SLIT1: variants seen among roughly 807,000 people sequenced by gnomAD.
SLIT1 encodes slit homolog 1 protein.
In SLIT1, 66 loss-of-function variants were observed where a neutral mutation model predicts 186.1. The observed-to-expected ratio is 0.35, with a 90% CI of 0.29 to 0.44. SLIT1 has a LOEUF of 0.44. Ranked by LOEUF, SLIT1 falls within the 20% of genes least tolerant of loss-of-function variation. The pLI, the probability that SLIT1 is intolerant of heterozygous loss-of-function variation, is 1.00. For synonymous variants in SLIT1, 761 were observed against 833.8 expected, an observed-to-expected ratio of 0.91 and a Z score of 1.50; for missense variants, 1,638 against 2,037.4, an observed-to-expected ratio of 0.80 and a Z score of 3.77.
intron 1 of SLIT1, among the ~76,000 whole-genome samples, chr10:97,172,020 T>C (rs2134737948): frequency 2.0e-5 from 3 of 151,722 alleles, no homozygotes; most frequent in Admixed American, 2.0e-4. Flanking sequence ...CTCTCCTCTG[T>C]AGCATAAATC....
chr10:97,035,856 A>G (rs1848633888), intron 22 of SLIT1, among the ~76,000 whole-genome samples: 1 of 152,078 alleles, frequency 6.6e-6, no homozygotes, highest in South Asian at 2.1e-4. Context: ...CTGTGGCCCC[A>G]GACAGCTTAT....
chr10:97,023,452 T>C (rs1423290986), intron 25 of SLIT1, among the ~76,000 whole-genome samples: 1 of 152,118 alleles, frequency 6.6e-6, no homozygotes, highest in East Asian at 1.9e-4. Flanking sequence ...AATATGCTAA[T>C]AGCCCGCCCC....
At chr10:97,046,218 G>A (rs1323431197) in intron 18 of SLIT1, among the ~76,000 whole-genome samples, 1 of 152,166 alleles carries the variant, frequency 6.6e-6, no homozygotes. Flanking sequence ...CTCAGGCTGG[G>A]CTGTGGGTTA....
chr10:97,025,608 T>G (rs530245314), intron 25 of SLIT1, among the ~76,000 whole-genome samples: 2 of 152,034 alleles, frequency 1.3e-5, no homozygotes, highest in African/African-American at 2.4e-5. Flanking sequence ...CTGAGATGTA[T>G]TTGGTGGTCA....
intron 31 of SLIT1, among the ~76,000 whole-genome samples, chr10:97,007,088 G>A (rs897539417): frequency 5.9e-5 from 9 of 152,014 alleles, no homozygotes; most frequent in African/African-American, 2.2e-4. Flanking sequence ...GCATAAAGAG[G>A]GAAGAGTCAA....
chr10:97,033,050 C>CTTTT (rs71007311), intron 23 of SLIT1, among the ~76,000 whole-genome samples: 1 of 139,782 alleles, frequency 7.2e-6, no homozygotes, highest in Non-Finnish European at 1.6e-5. Flanking sequence ...TTCTTTCTTT[C>CTTTT]TTTTTTTTTT....
intron 4 of SLIT1, among the ~76,000 whole-genome samples, chr10:97,147,822 G>A (rs564733840): frequency 8.9e-4 from 136 of 152,252 alleles, no homozygotes; most frequent in African/African-American, 3.2e-3. Context: ...CTCTAGAACT[G>A]TGGGGCCCCT....
intron 13 of SLIT1, among the ~76,000 whole-genome samples, chr10:97,052,071 T>C (rs1405421077): frequency 1.3e-5 from 2 of 151,272 alleles, no homozygotes; most frequent in African/African-American, 4.8e-5. Flanking sequence ...TCACAAAAGA[T>C]GGCATATTGT....
chr10:97,167,721 T>C (rs1225320023), intron 1 of SLIT1, among the ~76,000 whole-genome samples: 2 of 152,228 alleles, frequency 1.3e-5, no homozygotes, highest in African/African-American at 4.8e-5. Flanking sequence ...AATCCCCATG[T>C]GTCATGGGAG....
At chr10:97,177,309 C>T (rs902849783) in intron 1 of SLIT1, among the ~76,000 whole-genome samples, 1 of 152,236 alleles carries the variant, frequency 6.6e-6, no homozygotes, top group Non-Finnish European at 1.5e-5. Flanking sequence ...ACAGCTTCTC[C>T]TCCAGGACCA....
chr10:97,185,768 G>C lies in SLIT1; in HGVS notation c.-94C>G, dbSNP rs1850406302. ...CCTCCAGGTGCAGTCCCGGGGCAGAGCCACCGAAGAGCCCGCGGGCTTGCG... is the reference window on the plus strand; with the variant it reads ...CCTCCAGGTGCAGTCCCGGGGCAGACCCACCGAAGAGCCCGCGGGCTTGCG... On this transcript the variant is annotated 5_prime_UTR_variant, in exon 1 of 37. Coordinates refer to ENST00000266058, the MANE Select transcript of SLIT1 (RefSeq NM_003061.3). 6 of 1,146,830 alleles carry C rather than the reference G, an allele frequency of 5.2e-6. No homozygotes were observed. 71.0% of individuals were successfully genotyped at this position (1,146,830 alleles called of 1,614,324 possible).
chr10:97,179,805 G>GCCCCC (rs200480011), intron 1 of SLIT1, among the ~76,000 whole-genome samples: 1 of 136,184 alleles, frequency 7.3e-6, no homozygotes, highest in Non-Finnish European at 1.6e-5. Context: ...CACCCTCCCC[G>GCCCCC]CCCCCCGGCA....
In SLIT1 at chr10:97,022,642, C is replaced by A. The variant is rs1347974354; in HGVS notation, c.2583-1229G>T. On this transcript the variant is annotated intron_variant, in intron 25 of 36. Transcript: ENST00000266058. This position sits in a 1 kb window ranked among gnomAD's most constrained non-coding sequence, Gnocchi z 4.2. ...CACATAAAGACATCTGTGCAATGGG[C>A]CTATTTGTAATGGAAAGACTGGAAA... 2.6e-5 allele frequency among the ~76,000 whole-genome samples: 4 copies of A among 152,230 alleles called. No individual in the cohort carries two copies. In the South Asian group the frequency reaches 8.3e-4, roughly 32 times the overall value.
intron 20 of SLIT1, among the ~76,000 whole-genome samples, chr10:97,041,220 G>A (rs569791637): frequency 6.6e-6 from 1 of 152,300 alleles, no homozygotes; most frequent in Non-Finnish European, 1.5e-5. Flanking sequence ...CTGGCAGCAC[G>A]ATGCATTGGA....
chr10:97,073,413 G>C (rs941031819), intron 4 of SLIT1, among the ~76,000 whole-genome samples: 2 of 152,204 alleles, frequency 1.3e-5, no homozygotes, highest in Admixed American at 1.3e-4. Flanking sequence ...TCCTGGAAGC[G>C]GGCGGGATCT....
At chr10:97,140,681 G>A (rs558846690) in intron 4 of SLIT1, among the ~76,000 whole-genome samples, 1 of 152,298 alleles carries the variant, frequency 6.6e-6, no homozygotes, top group Admixed American at 6.5e-5. Flanking sequence ...ACTTCAAAGG[G>A]GGAAATGAGT....
intron 23 of SLIT1, among the ~76,000 whole-genome samples, chr10:97,033,967 C>T (rs776439747): frequency 1.5e-4 from 23 of 151,498 alleles, no homozygotes; most frequent in Non-Finnish European, 2.8e-4. Context: ...CAGGTTCACG[C>T]GATTCTCCTG....
At chr10:97,165,126 A>G (rs1250561638) in intron 1 of SLIT1, among the ~76,000 whole-genome samples, 1 of 152,162 alleles carries the variant, frequency 6.6e-6, no homozygotes, top group East Asian at 1.9e-4. Flanking sequence ...TGCTGTGGAA[A>G]CCAAAAACGT....
intron 1 of SLIT1, among the ~76,000 whole-genome samples, chr10:97,181,770 G>C (rs1044352270): frequency 3.3e-5 from 5 of 152,170 alleles, no homozygotes; most frequent in Non-Finnish European, 7.4e-5. Context: ...CAGAGGCCCT[G>C]CCTGCCTCCC....
Sources: allele counts gnomAD v4.1 joint callset (sites outside exome capture counted in the v4.1 genomes callset), GRCh38; gene constraint gnomAD v4.1.1; non-coding constraint Gnocchi (gnomAD v3.1); transcripts MANE v1.5; gene names NCBI Gene and HGNC (gene_info 2026-07-23, HGNC 2026-07-21).